Variants in SAMMSON observed in about 807,000 individuals in gnomAD.
The protein encoded by SAMMSON is survival associated mitochondrial melanoma specific oncogenic non-coding RNA, also known as long intergenic non-protein coding RNA 1212.
intron 4 of SAMMSON, chr3:70,205,083 C>T (rs1190895944): frequency 6.6e-6 from 1 of 151,912 alleles, no homozygotes; most frequent in Non-Finnish European, 1.5e-5. Context: ...CAAAGTTGGC[C>T]CAACGATGTG....
At chr3:70,243,682 C>T (rs1701680928) in intron 4 of SAMMSON, among the ~76,000 whole-genome samples, 1 of 152,136 alleles carries the variant, frequency 6.6e-6, no homozygotes, top group Admixed American at 6.5e-5. Context: ...TCCAACGTCT[C>T]CAGGTATTCC....
intron 7 of SAMMSON, among the ~76,000 whole-genome samples, chr3:70,325,872 C>A (rs1702577636): frequency 6.6e-6 from 1 of 152,116 alleles, no homozygotes. Flanking sequence ...GCCTGGATAG[C>A]CCTAACATAA....
intron 2 of SAMMSON, among the ~76,000 whole-genome samples, chr3:70,397,963 T>C (rs1701105774): frequency 6.6e-6 from 1 of 152,238 alleles, no homozygotes; most frequent in African/African-American, 2.4e-5. Context: ...AATAATGTTA[T>C]CTTTTCATTT....
chr3:69,999,872 A>C (rs756906106), intron 1 of SAMMSON: 1 of 152,366 alleles, frequency 6.6e-6, no homozygotes, highest in Non-Finnish European at 1.5e-5. Flanking sequence ...GACAAGGTGG[A>C]GTTTGGCTGG....
chr3:70,126,624 A>C (rs1286833737), intron 4 of SAMMSON: 1 of 356,824 alleles, frequency 2.8e-6, no homozygotes, highest in African/African-American at 2.1e-5. Flanking sequence ...TCAAGCAAAA[A>C]TTGGCCCAGA....
intron 4 of SAMMSON, among the ~76,000 whole-genome samples, chr3:70,163,319 A>G (rs2067623610): frequency 1.4e-5 from 2 of 147,856 alleles, no homozygotes; most frequent in Admixed American, 1.4e-4. Context: ...AACTATATAT[A>G]TATTATCTAT....
chr3:70,386,087 G>T (rs1703120993), intron 9 of SAMMSON, among the ~76,000 whole-genome samples: 1 of 152,106 alleles, frequency 6.6e-6, no homozygotes, highest in Admixed American at 6.6e-5. Flanking sequence ...TCCATGCTTT[G>T]GGAGCAGTAT....
chr3:70,011,422 C>T (rs1381951043), intron 1 of SAMMSON, among the ~76,000 whole-genome samples: 1 of 152,048 alleles, frequency 6.6e-6, no homozygotes, highest in Non-Finnish European at 1.5e-5. Context: ...TAGGGCCCCT[C>T]TTCTCAGCCC....
chr3:70,257,243 A>T (rs1001008561), intron 6 of SAMMSON, among the ~76,000 whole-genome samples: 4 of 152,164 alleles, frequency 2.6e-5, no homozygotes, highest in Non-Finnish European at 4.4e-5. Flanking sequence ...CATTCCTTAA[A>T]ACCTGGCACA....
intron 4 of SAMMSON, among the ~76,000 whole-genome samples, chr3:70,187,725 C>T (rs1018809883): frequency 1.3e-5 from 2 of 151,816 alleles, no homozygotes; most frequent in Non-Finnish European, 2.9e-5. Flanking sequence ...CCTGAGCCAC[C>T]GCGCCCGGCC....
intron 4 of SAMMSON, among the ~76,000 whole-genome samples, chr3:70,237,108 TC>T (rs1183347642): frequency 6.6e-6 from 1 of 152,212 alleles, no homozygotes; most frequent in African/African-American, 2.4e-5. Context: ...CTTTTCCAGA[TC>T]TTTTGCATTC....
chr3:70,259,477 G>A (rs180848337), intron 6 of SAMMSON, among the ~76,000 whole-genome samples: 8 of 152,120 alleles, frequency 5.3e-5, no homozygotes, highest in Admixed American at 2.0e-4. Flanking sequence ...GAGGTAGCAC[G>A]CAAGCACTTG....
chr3:70,045,518 T>G (rs1298231183), intron 3 of SAMMSON, among the ~76,000 whole-genome samples: 1 of 151,764 alleles, frequency 6.6e-6, no homozygotes, highest in Non-Finnish European at 1.5e-5. Context: ...ATATTTTTTT[T>G]TCATCCAACC....
At chr3:70,332,340 G>A (rs1315776003) in intron 7 of SAMMSON, among the ~76,000 whole-genome samples, 1 of 152,106 alleles carries the variant, frequency 6.6e-6, no homozygotes, top group Admixed American at 6.5e-5. Context: ...CCCGCTCCTG[G>A]TGTTCCAGGC....
chr3:70,052,328 A>T (rs2067149450), intron 3 of SAMMSON, among the ~76,000 whole-genome samples: 1 of 152,126 alleles, frequency 6.6e-6, no homozygotes, highest in Non-Finnish European at 1.5e-5. Context: ...TATATTTTGC[A>T]GGAGTAAATG....
chr3:70,240,892 G>A (rs987035718), intron 4 of SAMMSON, among the ~76,000 whole-genome samples: 7 of 152,138 alleles, frequency 4.6e-5, no homozygotes, highest in African/African-American at 1.4e-4. Context: ...TACTTGATAA[G>A]CAGTATGAAA....
chr3:70,402,470 G>A (rs1381311423), intron 2 of SAMMSON, among the ~76,000 whole-genome samples: 1 of 151,994 alleles, frequency 6.6e-6, no homozygotes, highest in African/African-American at 2.4e-5. Context: ...CATCATTCAT[G>A]GATTAAGTTG....
chr3:70,206,290 A>G (rs573640471), intron 4 of SAMMSON, among the ~76,000 whole-genome samples: 36 of 152,012 alleles, frequency 2.4e-4, no homozygotes, highest in African/African-American at 7.2e-4. Flanking sequence ...ATTTTTCTTT[A>G]TCTGCCTCAT....
intron 4 of SAMMSON, among the ~76,000 whole-genome samples, chr3:70,168,298 A>C (rs948985302): frequency 6.6e-6 from 1 of 151,896 alleles, no homozygotes; most frequent in Admixed American, 6.6e-5. Flanking sequence ...AAGGGAATTA[A>C]GGGAGGAAGG....
Sources: gnomAD v4.1 joint callset for allele counts (sites outside exome capture counted in the v4.1 genomes callset) on GRCh38, gnomAD v4.1.1 for gene constraint, MANE v1.5 for transcripts, NCBI Gene and HGNC (gene_info 2026-07-23, HGNC 2026-07-21) for gene names.